MIA2: variants seen among roughly 807,000 people sequenced by gnomAD.
The protein encoded by MIA2 is MIA SH3 domain ER export factor 2, also known as melanoma inhibitory activity protein 2.
Under a neutral mutation model 167.8 loss-of-function variants are expected in MIA2, and 127 were observed. That is an observed-to-expected ratio of 0.76 (90% CI 0.66 to 0.88). The LOEUF (loss-of-function observed/expected upper bound fraction) is 0.88. Among genes scored for constraint, MIA2 ranks in the 40% least tolerant of loss-of-function variants. The probability of loss-of-function intolerance (pLI) is 0.00; values close to 1 mark genes in which losing one functional copy is unlikely to be tolerated. For missense variants in MIA2, 1,690 were observed against 1,624.7 expected, an observed-to-expected ratio of 1.04 and a Z score of -0.69; for synonymous variants, 552 against 541.9, an observed-to-expected ratio of 1.02 and a Z score of -0.26.
chr14:39,345,220 C>T (rs2072966169), intron 25 of MIA2, among the ~76,000 whole-genome samples: 1 of 152,050 alleles, frequency 6.6e-6, no homozygotes, highest in South Asian at 2.1e-4. Flanking sequence ...GCTGGGATTA[C>T]AGACTACCAT....
intron 23 of MIA2, among the ~76,000 whole-genome samples, chr14:39,366,948 C>G (rs1469109166): frequency 6.6e-6 from 1 of 152,182 alleles, no homozygotes; most frequent in Non-Finnish European, 1.5e-5. Context: ...AAGTGCATGG[C>G]CGCTGTGCTG....
chr14:39,319,866 C>T (rs865983062), intron 23 of MIA2, among the ~76,000 whole-genome samples: 1 of 151,846 alleles, frequency 6.6e-6, no homozygotes, highest in African/African-American at 2.4e-5. Context: ...CAAACTATTG[C>T]AAACAGTTTA....
rs1423243970 is a variant in MIA2, at chr14:39,243,161, T to C, written c.336+2514T>C. On this transcript the variant is annotated intron_variant, in intron 3 of 28. Coordinates refer to ENST00000640607, the MANE Select transcript of MIA2 (RefSeq NM_001329214.4). ...AAAGAAGACAAAGAAAAAAGAAGCA[T>C]GACCAGGCAGACAGAGAAGTCAAAT... Among the ~76,000 whole-genome samples, 3 of 150,986 alleles carry C rather than the reference T, an allele frequency of 2.0e-5. No individual in the cohort carries two copies. The East Asian group carries it at 5.9e-4, about 30-fold the overall frequency.
intron 23 of MIA2, among the ~76,000 whole-genome samples, chr14:39,371,279 T>G (rs993288644): frequency 7.9e-5 from 12 of 152,196 alleles, no homozygotes; most frequent in African/African-American, 2.7e-4. Context: ...AGGAATGTAT[T>G]CCCAGAATTG....
At chr14:39,286,970 C>G (rs1477645174) in intron 9 of MIA2, among the ~76,000 whole-genome samples, 2 of 152,096 alleles carry the variant, frequency 1.3e-5, no homozygotes, top group African/African-American at 2.4e-5. Context: ...AAGTGATCTG[C>G]CCACCTTGGC....
At chr14:39,372,610 A>AAT (rs1273292931) in intron 23 of MIA2, among the ~76,000 whole-genome samples, 1 of 152,218 alleles carries the variant, frequency 6.6e-6, no homozygotes, top group African/African-American at 2.4e-5. Flanking sequence ...TGAGAAGAGG[A>AAT]ATCTAAGAGT....
intron 9 of MIA2, among the ~76,000 whole-genome samples, chr14:39,284,703 T>C (rs2059375786): frequency 6.6e-6 from 1 of 152,162 alleles, no homozygotes; most frequent in Non-Finnish European, 1.5e-5. Flanking sequence ...TCCTAGGTAT[T>C]TTATTTTTTT....
intron 23 of MIA2, among the ~76,000 whole-genome samples, chr14:39,320,033 TA>T (rs1426573243): frequency 1.3e-5 from 2 of 152,160 alleles, no homozygotes; most frequent in Non-Finnish European, 1.5e-5. Flanking sequence ...TTTCTACATT[TA>T]AAAAATATTA....
intron 23 of MIA2, chr14:39,385,947 G>C: frequency 1.2e-6 from 1 of 822,098 alleles, no homozygotes; most frequent in East Asian, 2.4e-5. Flanking sequence ...GAGACACACT[G>C]AGAGGAGGAC....
At chr14:39,327,099 G>C (rs1566937638) in intron 25 of MIA2, 77 bp downstream of exon 25, 1 of 1,161,880 alleles carries the variant, frequency 8.6e-7, no homozygotes, top group East Asian at 2.8e-5. Context: ...GAAGAAGGGA[G>C]GAGTATATGT....
chr14:39,265,492 T>C (rs148064971), intron 6 of MIA2: 1 of 1,246,306 alleles, frequency 8.0e-7, no homozygotes, highest in African/African-American at 1.5e-5. Context: ...TGTTAAGCTT[T>C]ACTGTGTTTT....
Position 39,357,567 on chromosome 14 carries a change from T to C in MIA2, c.2248+8590T>C, listed in dbSNP as rs894380999. Among the ~76,000 whole-genome samples, 3 of 152,196 alleles carry C rather than the reference T, an allele frequency of 2.0e-5. No homozygotes were observed. The South Asian group carries it at 6.2e-4, about 32-fold the overall frequency. On this transcript the variant is annotated intron_variant, in intron 23 of 23. Coordinates refer to the MIA2 transcript ENST00000341502. Reference sequence around the variant, plus strand: ...GCCCATTTACATTTAAGGTTAATATTGTTATGTGTGAATTTGACCCTGTCA... The same window carrying C: ...GCCCATTTACATTTAAGGTTAATATCGTTATGTGTGAATTTGACCCTGTCA...
chr14:39,252,849 G>C lies in MIA2; in HGVS notation c.1669G>C (p.Asp557His). The change falls in exon 5 of 29, where the codon GAC (aspartate) becomes CAC (histidine). Residue 557 changes from aspartate (D) to histidine (H), a missense_variant. Coordinates refer to ENST00000640607, the MANE Select transcript of MIA2 (RefSeq NM_001329214.4). Reference protein sequence around the residue: ...DSDENSKPSVDTEGPALVEID... With the variant: ...DSDENSKPSVHTEGPALVEID... ...TGATGAAAATTCGAAACCATCAGTA[G>C]ACACCGAAGGGCCTGCTCTGGTGGA... The C allele has an allele frequency of 1.2e-6, 2 of 1,613,928 alleles. No homozygotes were observed. Among genetic ancestry groups the C allele is most frequent in the South Asian group, 2.2e-5 (2 of 91,080 alleles).
chr14:39,320,130 A>G (rs2066164380), intron 23 of MIA2, among the ~76,000 whole-genome samples: 1 of 139,698 alleles, frequency 7.2e-6, no homozygotes, highest in African/African-American at 2.7e-5. Flanking sequence ...TCCAACACAA[A>G]ATTTCAAGAA....
Position 39,247,280 on chromosome 14 carries a change from G to A in MIA2, c.706G>A (p.Glu236Lys). ...TGGATTGGGAGGAGAACAAGCTGAAGAGAAGGCTTTTGAATCAGTTATTGA... is the reference window on the plus strand; with the variant it reads ...TGGATTGGGAGGAGAACAAGCTGAAAAGAAGGCTTTTGAATCAGTTATTGA... ...WFGLGGEQAE[E>K]KAFESVIEPV... Residue 236 changes from glutamate to lysine, a missense_variant, in exon 4 of 29, where the codon GAG (glutamate) becomes AAG (lysine). Physicochemically the swap from Glu to Lys is moderately conservative, Grantham distance 56 (BLOSUM62 1). Transcript: ENST00000640607. The A allele has an allele frequency of 2.5e-6, 4 of 1,613,932 alleles. No homozygotes were observed. Among genetic ancestry groups the A allele is most frequent in the African/African-American group, 1.3e-5 (1 of 75,038 alleles).
chr14:39,299,664 C>G (rs765335871), intron 13 of MIA2, among the ~76,000 whole-genome samples, 200 bp from the exon 14 acceptor site: 6 of 152,072 alleles, frequency 3.9e-5, no homozygotes, highest in Non-Finnish European at 8.8e-5. Flanking sequence ...ATGTATATCT[C>G]AGGAAACCTT....
intron 25 of MIA2, among the ~76,000 whole-genome samples, chr14:39,341,222 A>G (rs1303459141): frequency 6.6e-6 from 1 of 151,824 alleles, no homozygotes; most frequent in East Asian, 1.9e-4. Flanking sequence ...GAATTGCTTG[A>G]CCCTGGGAGG....
chr14:39,288,459 A>ATTTTTTTTTT (rs1566747774), intron 9 of MIA2, among the ~76,000 whole-genome samples: 5 of 17,282 alleles, frequency 2.9e-4, no homozygotes, highest in Admixed American at 1.7e-3. Flanking sequence ...ATATATATAT[A>ATTTTTTTTTT]TATATATATA....
At chr14:39,329,452 A>C (rs1307381778) in intron 25 of MIA2, among the ~76,000 whole-genome samples, 2 of 151,908 alleles carry the variant, frequency 1.3e-5, no homozygotes, top group Non-Finnish European at 2.9e-5. Context: ...CCCTTTATTT[A>C]TTTCTCTTGC....
Sources: gnomAD v4.1 joint callset for allele counts (sites outside exome capture counted in the v4.1 genomes callset) on GRCh38, gnomAD v4.1.1 for gene constraint, MANE v1.5 for transcripts, NCBI Gene and HGNC (gene_info 2026-07-23, HGNC 2026-07-21) for gene names.